Variants in TTN observed in about 807,000 individuals in gnomAD.
TTN encodes the protein connectin.
In TTN, 1,525 loss-of-function variants were observed where a neutral mutation model predicts 3,223.0. The ratio of observed to expected loss-of-function variants is 0.47; its 90% CI spans 0.45 to 0.49. The LOEUF (loss-of-function observed/expected upper bound fraction) is 0.49. Among genes scored for constraint, TTN ranks in the 20% least tolerant of loss-of-function variants. The pLI is 0.00. For synonymous variants in TTN, 14,094 were observed against 15,161.0 expected (o/e 0.93, Z 5.17); for missense variants, 40,786 against 43,424.0 (o/e 0.94, Z 5.40).
In TTN at chr2:178,569,405, C is replaced by G; in HGVS notation, c.76727G>C (p.Ser25576Thr). ...TTCTAATGTAAGCGTATATTTTCCACTATCATATCGGTTGACATTGTCAAG... is the reference window on the plus strand; with the variant it reads ...TTCTAATGTAAGCGTATATTTTCCAGTATCATATCGGTTGACATTGTCAAG... Reference protein sequence around the residue: ...LVLDNVNRYDSGKYTLTLENS... With the variant: ...LVLDNVNRYDTGKYTLTLENS... The change falls in exon 326 of 363, where the codon AGT (serine) becomes ACT (threonine). Residue 25576 changes from serine (S) to threonine (T), a missense_variant. Physicochemically the swap from Ser to Thr is moderately conservative, Grantham distance 58. Transcript: ENST00000589042. 11 of 1,613,326 alleles carry G rather than the reference C, an allele frequency of 6.8e-6. No individual in the cohort carries two copies. Among genetic ancestry groups the G allele is most frequent in the Non-Finnish European group, 8.5e-6 (10 of 1,179,584 alleles).
chr2:178,600,706 G>A, intron 288 of TTN, 148 bp downstream of exon 288: 1 of 886,340 alleles, frequency 1.1e-6, no homozygotes. Flanking sequence ...TTGAAGGAAT[G>A]AGTAATTAAG....
In TTN at chr2:178,722,403, C is replaced by T. The variant is rs12693166; in HGVS notation, c.22384G>A (p.Asp7462Asn). Residue 7462 changes from aspartate (D) to asparagine (N), a missense_variant, in exon 77 of 363, where the codon GAT becomes AAT. Asp to Asn is a conservative substitution (Grantham distance 23). Transcript: ENST00000589042. ...ACAAATGAAGTCTGTAGATTTTCAT[C>T]GTCTCTTAAAAGTACTCCATCTCTA... ...WYRDGVLLRD[D>N]ENLQTSFVDN... 3.7e-6 allele frequency: 6 copies of T among 1,613,184 alleles called. No homozygotes were observed. In the East Asian group the frequency reaches 6.7e-5, roughly 18 times the overall value.
Position 178,735,861 on chromosome 2 carries a change from C to G in TTN, c.14585G>C (p.Arg4862Thr). Reference sequence around the variant, plus strand: ...GGAAGCCTTACAAGAATAAACTCCTCTATCTTGAATGGTAAGGTTTGAGAG... The same window carrying G: ...GGAAGCCTTACAAGAATAAACTCCTGTATCTTGAATGGTAAGGTTTGAGAG... The part of the protein sequence containing the change: ...LELSNLTIQD[R>T]GVYSCKASNK... Residue 4862 changes from arginine (R) to threonine (T), a missense_variant, in exon 50 of 363, where the codon AGA (arginine) becomes ACA (threonine). Physicochemically the swap from Arg to Thr is moderately conservative, Grantham distance 71. Transcript: ENST00000589042. 6.2e-7 allele frequency: 1 copy of G among 1,613,874 alleles called. No individual in the cohort carries two copies. Among genetic ancestry groups the G allele is most frequent in the Non-Finnish European group, 8.5e-7 (1 of 1,179,826 alleles).
chr2:178,749,033 ACCTTT>A (rs1490656218), intron 47 of TTN: 1 of 1,612,398 alleles, frequency 6.2e-7, no homozygotes, highest in Non-Finnish European at 8.5e-7. Flanking sequence ...TCTATGCTTC[ACCTTT>A]TTCCCCGGGT....
chr2:178,639,090 A>T (rs1049176406), intron 223 of TTN, among the ~76,000 whole-genome samples: 3 of 152,122 alleles, frequency 2.0e-5, no homozygotes, highest in African/African-American at 4.8e-5. Context: ...TAAGAAAATT[A>T]TTATTGATCT....
At chr2:178,607,753 A>G in intron 276 of TTN, 32 bp downstream of exon 276, 1 of 1,612,120 alleles carries the variant, frequency 6.2e-7, no homozygotes, top group Non-Finnish European at 8.5e-7. Context: ...TAGAGAAAAT[A>G]TCCATAATTT....
At position 178,652,521 on chromosome 2, in the gene TTN, C is replaced by T. The variant is rs767090806; in HGVS notation, c.39064G>A (p.Val13022Ile). 9.3e-6 allele frequency: 15 copies of T among 1,613,334 alleles called. No homozygotes were observed. Among genetic ancestry groups the T allele is most frequent in the Non-Finnish European group, 1.3e-5 (15 of 1,179,570 alleles). ...GCTGGCACTTTCTTTTCAGGAACAA[C>T]TTCTTTCGGAGCCTCTGGCACTTAA... ...PVKVPEAPKE[V>I]VPEKKVPAAP... is the part of the protein sequence containing the mutation. Residue 13022 changes from valine to isoleucine, a missense_variant, in exon 202 of 363, where the codon GTT becomes ATT. By Grantham distance (29) the Val-to-Ile change is conservative. Transcript: ENST00000589042.
At chr2:178,676,548 A>G (rs962036648) in intron 147 of TTN, among the ~76,000 whole-genome samples, 1 of 151,878 alleles carries the variant, frequency 6.6e-6, no homozygotes, top group Non-Finnish European at 1.5e-5. Flanking sequence ...TCATTCAATG[A>G]TAGACTACTT....
rs534328580 is a variant in TTN at position 178,778,181 on chromosome 2, C to A, written c.4209-206G>T. 5 of 672,164 alleles carry A rather than the reference C, an allele frequency of 7.4e-6. No homozygotes were observed. The South Asian group carries it at 7.6e-5, about 10-fold the overall frequency. 41.6% of individuals were successfully genotyped at this position (672,164 alleles called of 1,614,324 possible). A position where few individuals can be genotyped will look rare whatever the true frequency, so the allele number is the denominator to read the frequency against. ...GTTTTTCCTATATTCTCAATTTTAG[C>A]TGGTAGTCATTCAGTATATCCAGGT... On this transcript the variant is annotated intron_variant, in intron 24 of 362. Transcript: ENST00000589042.
chr2:178,692,462 G>A (rs762669482), intron 120 of TTN, 35 bp downstream of exon 120: 38 of 1,521,608 alleles, frequency 2.5e-5, no homozygotes, highest in Non-Finnish European at 3.3e-5. Context: ...CAAGATGGAT[G>A]CTAAGAATTA....
In TTN at chr2:178,794,412, G is replaced by C; in HGVS notation, c.1385C>G (p.Pro462Arg). Reference protein sequence around the residue: ...RTTTTAVHIQPAQEQVRKEAE... With the variant: ...RTTTTAVHIQRAQEQVRKEAE... ...CCTCGCACGTACCTGTTCTTGAGCA[G>C]GTTGGATGTGCACAGCAGTCGTGGT... Residue 462 changes from proline to arginine, a missense_variant, in exon 8 of 363, where the codon CCT becomes CGT. Pro to Arg is a moderately radical substitution (Grantham distance 103, BLOSUM62 -2). Transcript: ENST00000589042. The C allele has an allele frequency of 6.2e-7, 1 of 1,614,202 alleles. No individual in the cohort carries two copies. The highest frequency in any genetic ancestry group is 1.1e-5 in the South Asian group (1 of 91,082).
intron 58 of TTN, 42 bp from the exon 59 acceptor site, chr2:178,731,625 C>T: frequency 6.4e-7 from 1 of 1,569,870 alleles, no homozygotes; most frequent in Non-Finnish European, 8.6e-7. Flanking sequence ...ATCCCTATAG[C>T]AAAAGTGGCT....
chr2:178,748,713 A>G, intron 47 of TTN: 2 of 1,612,726 alleles, frequency 1.2e-6, no homozygotes, highest in Non-Finnish European at 1.7e-6. Context: ...GCTCTTTTAG[A>G]AATTGCAGGT....
rs192279089 is a variant in TTN at position 178,592,086 on chromosome 2, G to A, written c.59818C>T (p.His19940Tyr). The change falls in exon 302 of 363, where the codon CAT (histidine) becomes TAT (tyrosine). Residue 19940 changes from histidine to tyrosine, a missense_variant. Transcript: ENST00000589042. ...AGGTACTGGTTGCCTTCATTCAGAT[G>A]CTTAGCGAAGTGACTCTTTTTCTTT... ...TSKKKSHFAK[H>Y]LNEGNQYLFR... 8.1e-6 allele frequency: 13 copies of A among 1,612,868 alleles called. No individual in the cohort carries two copies. The highest frequency in any genetic ancestry group is 1.1e-5 in the Non-Finnish European group (13 of 1,179,504).
chr2:178,574,115 C>G lies in TTN; in HGVS notation c.72017G>C (p.Gly24006Ala). The change falls in exon 326 of 363, where the codon GGT (glycine) becomes GCT (alanine). Residue 24006 changes from glycine (G) to alanine (A), a missense_variant. Coordinates refer to ENST00000589042, the MANE Select transcript of TTN (RefSeq NM_001267550.2). Reference sequence around the variant, plus strand: ...TGGCTCAGATGGTGGACTGATGGCACCTGCAGCATTTTTGGCGATCACACG... The same window carrying G: ...TGGCTCAGATGGTGGACTGATGGCAGCTGCAGCATTTTTGGCGATCACACG... ...EFRVIAKNAA[G>A]AISPPSEPSD... is the part of the protein sequence containing the mutation. The G allele has an allele frequency of 6.2e-7, 1 of 1,613,568 alleles. No homozygotes were observed.
chr2:178,613,817 C>A lies in TTN; in HGVS notation c.49466G>T (p.Arg16489Ile), dbSNP rs878912537. Residue 16489 changes from arginine to isoleucine, a missense_variant, in exon 263 of 363, where the codon AGA becomes ATA. Arg to Ile is a moderately conservative substitution (Grantham distance 97). Transcript: ENST00000589042. ...GSPITGYWVE[R>I]LDPDTDKWVR... The stretch of plus-strand genomic sequence containing the variant: ...CCATTTATCTGTATCAGGATCCAGT[C>A]TTTCAACCCAGTATCCTGTGATTGG... 3 of 1,612,672 alleles carry A rather than the reference C, an allele frequency of 1.9e-6. No individual in the cohort carries two copies. Among genetic ancestry groups the A allele is most frequent in the Non-Finnish European group, 2.5e-6 (3 of 1,179,090 alleles).
chr2:178,731,391 A>G lies in TTN; in HGVS notation c.17375T>C (p.Ile5792Thr), dbSNP rs1225094303. 5 of 1,613,696 alleles carry G rather than the reference A, an allele frequency of 3.1e-6. No homozygotes were observed. The Admixed American group carries it at 5.0e-5, about 16-fold the overall frequency. Reference protein sequence around the residue: ...NNVASLYLSGIEVKHDGKYVC... With the variant: ...NNVASLYLSGTEVKHDGKYVC... ...ATATTTCCCATCATGCTTGACTTCA[A>G]TGCCACTGAGGTACAAACTGGCCAC... Residue 5792 changes from isoleucine to threonine, a missense_variant, in exon 59 of 363, where the codon ATT becomes ACT. Transcript: ENST00000589042.
Position 178,573,035 on chromosome 2 carries a change from T to A in TTN, c.73097A>T (p.Glu24366Val), listed in dbSNP as rs1708814132. 1 of 1,613,184 alleles carries A rather than the reference T, an allele frequency of 6.2e-7. No individual in the cohort carries two copies. The highest frequency in any genetic ancestry group is 8.5e-7 in the Non-Finnish European group (1 of 1,179,502). Residue 24366 changes from glutamate to valine, a missense_variant, in exon 326 of 363, where the codon GAG becomes GTG. By Grantham distance (121) the Glu-to-Val change is moderately radical. Transcript: ENST00000589042. ...TGYMVEIALP[E>V]EDEWQIVTPP... The stretch of plus-strand genomic sequence containing the variant: ...AGTGACAATCTGCCATTCATCTTCC[T>A]CTGGCAGGGCAATCTCAACCATATA...
rs2154201588 is a variant in TTN, at chr2:178,614,232, C to T, written c.49165G>A (p.Glu16389Lys). 3.7e-6 allele frequency: 6 copies of T among 1,612,544 alleles called. No homozygotes were observed. Among genetic ancestry groups the T allele is most frequent in the Non-Finnish European group, 2.5e-6 (3 of 1,179,264 alleles). ...GGSKITNYVVERRATDSEVWH... is the reference protein window; with the variant it reads ...GGSKITNYVVKRRATDSEVWH... ...ACTTCACTATCAGTTGCTCGTCTCT[C>T]CACAACATAGTTTGTGATCTTAGAT... Residue 16389 changes from glutamate (E) to lysine (K), a missense_variant, in exon 262 of 363, where the codon GAG becomes AAG. Coordinates refer to ENST00000589042, the MANE Select transcript of TTN (RefSeq NM_001267550.2).
Sources: gnomAD v4.1 joint callset for allele counts (sites outside exome capture counted in the v4.1 genomes callset) on GRCh38, gnomAD v4.1.1 for gene constraint, MANE v1.5 for transcripts, NCBI Gene and HGNC (gene_info 2026-07-23, HGNC 2026-07-21) for gene names.